Variants in FIBCD1 observed in about 807,000 individuals in gnomAD.
FIBCD1 encodes fibrinogen C domain containing 1.
FIBCD1 carries 47 observed loss-of-function variants against 45.1 expected under a neutral mutation model. That is an observed-to-expected ratio of 1.04 (90% CI 0.82 to 1.33). FIBCD1 has a LOEUF of 1.33. FIBCD1 is among the 40% of genes most tolerant of loss of function. The pLI is 0.00. For synonymous variants in FIBCD1, 313 were observed against 308.1 expected, an observed-to-expected ratio of 1.02 and a Z score of -0.17; for missense variants, 653 against 682.2, an observed-to-expected ratio of 0.96 and a Z score of 0.48.
chr9:130,927,586 G>A lies in FIBCD1; in HGVS notation c.552+1981C>T, dbSNP rs1251366848. ...CAGGGCAGAATGGCTCAGCTCAGCC[G>A]TGACCAGCAGGCCTCAGGGACTACA... On this transcript the variant is annotated intron_variant, in intron 2 of 6. Transcript: ENST00000372338. Among the ~76,000 whole-genome samples the A allele has an allele frequency of 6.6e-5, 10 of 152,234 alleles. No homozygotes were observed. In the East Asian group the frequency reaches 9.6e-4, roughly 15 times the overall value.
intron 1 of FIBCD1, among the ~76,000 whole-genome samples, chr9:130,931,236 C>T (rs550636117): frequency 2.0e-5 from 3 of 152,308 alleles, no homozygotes; most frequent in East Asian, 3.9e-4. Flanking sequence ...CGGGACCCGG[C>T]GAGGTAGCTC....
At position 130,930,050 on chromosome 9, in the gene FIBCD1, C is replaced by T. The variant is rs201360961; in HGVS notation, c.73-4G>A. On this transcript the variant is annotated splice_region_variant and splice_polypyrimidine_tract_variant and intron_variant, in intron 1 of 6. Coordinates refer to ENST00000372338, the MANE Select transcript of FIBCD1 (RefSeq NM_032843.5). Reference sequence around the variant, plus strand: ...GCACGTAGCCGCAGCTCGGCCGCTGCAGGCCCGCCCGGGACGCACAGACAC... The same window carrying T: ...GCACGTAGCCGCAGCTCGGCCGCTGTAGGCCCGCCCGGGACGCACAGACAC... The T allele has an allele frequency of 3.7e-5, 55 of 1,499,784 alleles. No individual in the cohort carries two copies. In the East Asian group the frequency reaches 1.2e-3, roughly 34 times the overall value. The allele number at this position is 1,499,784 out of a possible 1,614,324, so 92.9% of individuals were successfully genotyped here.
chr9:130,915,060 G>C (rs1188469101), intron 4 of FIBCD1, among the ~76,000 whole-genome samples: 1 of 152,230 alleles, frequency 6.6e-6, no homozygotes, highest in Non-Finnish European at 1.5e-5. Context: ...ACCTACCCTT[G>C]CCACCAGCGC....
Position 130,938,627 on chromosome 9 carries a change from G to C in FIBCD1, c.-20C>G. 7.1e-7 allele frequency: 1 copy of C among 1,415,618 alleles called. No homozygotes were observed. The highest frequency in any genetic ancestry group is 9.2e-7 in the Non-Finnish European group (1 of 1,081,898). 87.7% of individuals were successfully genotyped at this position (1,415,618 alleles called of 1,614,324 possible). A position where few individuals can be genotyped will look rare whatever the true frequency, so the allele number is the denominator to read the frequency against. On this transcript the variant is annotated 5_prime_UTR_variant, in exon 1 of 7. Coordinates refer to ENST00000372338, the MANE Select transcript of FIBCD1 (RefSeq NM_032843.5). ...GACCATCTTCCGGCAGGACTGGCGG[G>C]GGCGCCGGGCGAGGCGCGCCGCTGC...
In FIBCD1 at chr9:130,923,346, C is replaced by T. The variant is rs1048572261; in HGVS notation, c.849+398G>A. On this transcript the variant is annotated intron_variant, in intron 4 of 6. Coordinates refer to ENST00000372338, the MANE Select transcript of FIBCD1 (RefSeq NM_032843.5). ...ACTCCTCCTTTTTCTTCTGCACACGCGCCGTGTATTGGGTAGTTCAAAAAG... is the reference window on the plus strand; with the variant it reads ...ACTCCTCCTTTTTCTTCTGCACACGTGCCGTGTATTGGGTAGTTCAAAAAG... Among the ~76,000 whole-genome samples the T allele has an allele frequency of 3.3e-5, 5 of 152,164 alleles. No individual in the cohort carries two copies. In the South Asian group the frequency reaches 8.3e-4, roughly 25 times the overall value.
In FIBCD1 at chr9:130,928,737, C is replaced by T. The variant is rs376974423; in HGVS notation, c.552+830G>A. Among the ~76,000 whole-genome samples the T allele has an allele frequency of 1.6e-4, 25 of 151,846 alleles. No homozygotes were observed. In the East Asian group the frequency reaches 2.1e-3, roughly 13 times the overall value. On this transcript the variant is annotated intron_variant, in intron 2 of 6. Transcript: ENST00000372338. ...CCAGGGATCTGAGTCACCGGGAGAACGTGGCACAGGGCCAGGGGCCGGGCA... is the reference window on the plus strand; with the variant it reads ...CCAGGGATCTGAGTCACCGGGAGAATGTGGCACAGGGCCAGGGGCCGGGCA...
At chr9:130,912,798 CAAAG>C (rs529810751) in intron 4 of FIBCD1, among the ~76,000 whole-genome samples, 261 of 134,212 alleles carry the variant, frequency 1.9e-3, no homozygotes, top group South Asian at 7.4e-3. Context: ...CCCCAATGGT[CAAAG>C]AAAGGGGGGG....
intron 4 of FIBCD1, among the ~76,000 whole-genome samples, chr9:130,913,434 C>T (rs547025294): frequency 2.6e-5 from 4 of 152,356 alleles, no homozygotes; most frequent in East Asian, 3.9e-4. Context: ...CGGTCTGACC[C>T]GAGGCGTCTG....
intron 5 of FIBCD1, among the ~76,000 whole-genome samples, chr9:130,911,581 C>T (rs1458263011): frequency 6.6e-6 from 1 of 152,234 alleles, no homozygotes; most frequent in African/African-American, 2.4e-5. Flanking sequence ...CACTGGGAGC[C>T]CACCCACGCT....
rs541113511 is a variant in FIBCD1, at chr9:130,930,061, G to A, written c.73-15C>T. 4.3e-5 allele frequency: 65 copies of A among 1,499,256 alleles called. No individual in the cohort carries two copies. Among genetic ancestry groups the A allele is most frequent in the East Asian group, 3.9e-4 (17 of 43,110 alleles). 92.9% of individuals were successfully genotyped at this position (1,499,256 alleles called of 1,614,324 possible). On this transcript the variant is annotated splice_polypyrimidine_tract_variant and intron_variant, in intron 1 of 6. Transcript: ENST00000372338. ...CAGCTCGGCCGCTGCAGGCCCGCCC[G>A]GGACGCACAGACACAGACAGACAGA... is the stretch of plus-strand genomic sequence containing the variant.
In FIBCD1 at chr9:130,929,639, C is replaced by T. The variant is rs1215738180; in HGVS notation, c.480G>A (p.Gly160=). The change falls in exon 2 of 7, where the codon GGG becomes GGA. Residue 160 remains glycine, a synonymous_variant. Coordinates refer to ENST00000372338, the MANE Select transcript of FIBCD1 (RefSeq NM_032843.5). ...RASELQTECM[G]LRKGHGTLGQ... is the part of the protein sequence containing the mutation. ...CCAGCGTGCCATGCCCCTTCCGCAG[C>T]CCCATGCACTCCGTCTGCAGCTCTG... The T allele has an allele frequency of 5.1e-6, 8 of 1,575,864 alleles. No individual in the cohort carries two copies. The highest frequency in any genetic ancestry group is 2.2e-5 in the East Asian group (1 of 44,476).
At chr9:130,939,435 T>G (rs1298728521), upstream of FIBCD1, 2 of 151,960 alleles carry the variant, frequency 1.3e-5, no homozygotes, top group Non-Finnish European at 2.9e-5. Context: ...AGCTGTGGGG[T>G]CTCCAGCCCC....
chr9:130,921,821 C>A (rs948352193), intron 4 of FIBCD1, among the ~76,000 whole-genome samples: 4 of 152,226 alleles, frequency 2.6e-5, no homozygotes, highest in Non-Finnish European at 5.9e-5. Flanking sequence ...GAGCTTTTAT[C>A]CCCCAGACGC....
intron 4 of FIBCD1, among the ~76,000 whole-genome samples, chr9:130,920,271 T>A (rs1832238352): frequency 6.6e-6 from 1 of 151,694 alleles, no homozygotes; most frequent in Non-Finnish European, 1.5e-5. Flanking sequence ...CGCCTCCCCT[T>A]GATTATAAGA....
intron 4 of FIBCD1, among the ~76,000 whole-genome samples, chr9:130,912,641 A>T (rs1445161363): frequency 6.6e-6 from 1 of 151,566 alleles, no homozygotes; most frequent in Non-Finnish European, 1.5e-5. Flanking sequence ...CGGGAGGCGC[A>T]GGTTGCAGTG....
intron 2 of FIBCD1, among the ~76,000 whole-genome samples, chr9:130,925,466 G>A (rs975119411): frequency 1.3e-5 from 2 of 152,118 alleles, no homozygotes; most frequent in Admixed American, 6.5e-5. Context: ...TCCCTCCCCC[G>A]TTCACTAGCT....
Position 130,929,646 on chromosome 9 carries a change from C to G in FIBCD1, c.473G>C (p.Cys158Ser). Residue 158 changes from cysteine (C) to serine (S), a missense_variant, in exon 2 of 7, where the codon TGC (cysteine) becomes TCC (serine). Cys to Ser is a moderately radical substitution (Grantham distance 112). Coordinates refer to ENST00000372338, the MANE Select transcript of FIBCD1 (RefSeq NM_032843.5). ...LARASELQTE[C>S]MGLRKGHGTL... ...GCCATGCCCCTTCCGCAGCCCCATG[C>G]ACTCCGTCTGCAGCTCTGAGGCTCG... 1.3e-6 allele frequency: 2 copies of G among 1,590,928 alleles called. No homozygotes were observed. The highest frequency in any genetic ancestry group is 1.7e-6 in the Non-Finnish European group (2 of 1,170,046).
Position 130,924,336 on chromosome 9 carries a change from C to A in FIBCD1, c.613G>T (p.Asp205Tyr). The A allele has an allele frequency of 6.2e-7, 1 of 1,608,692 alleles. No individual in the cohort carries two copies. Among genetic ancestry groups the A allele is most frequent in the Admixed American group, 1.7e-5 (1 of 59,616 alleles). ...AGCCCCCGGTCCCTCTGCAGGGCAT[C>A]CAGGATGTCGCTGACGGAGTTCACC... is the stretch of plus-strand genomic sequence containing the variant. ...HLVNSVSDIL[D>Y]ALQRDRGLGR... Residue 205 changes from aspartate to tyrosine, a missense_variant, in exon 3 of 7, where the codon GAT becomes TAT. Coordinates refer to ENST00000372338, the MANE Select transcript of FIBCD1 (RefSeq NM_032843.5).
chr9:130,919,255 CCCGGTCA>C lies in FIBCD1; in HGVS notation c.849+4482_849+4488del, dbSNP rs371337915. Among the ~76,000 whole-genome samples, 55 of 152,316 alleles carry C rather than the reference CCCGGTCA, an allele frequency of 3.6e-4. 1 individual carries two copies. The highest frequency in any genetic ancestry group is 1.2e-3 in the African/African-American group (51 of 41,574). On this transcript the variant is annotated intron_variant, in intron 4 of 6. Coordinates refer to ENST00000372338, the MANE Select transcript of FIBCD1 (RefSeq NM_032843.5). ...ACGAAGGAAATGTGAGGGTGTTGTC[CCCGGTCA>C]CCGGTCACCTCGCCATTATGAATGT...
Sources: allele counts gnomAD v4.1 joint callset (sites outside exome capture counted in the v4.1 genomes callset), GRCh38; gene constraint gnomAD v4.1.1; transcripts MANE v1.5; gene names NCBI Gene and HGNC (gene_info 2026-07-23, HGNC 2026-07-21).